Variants in PDLIM4 observed in about 807,000 individuals in gnomAD.
PDLIM4 encodes the protein PDZ and LIM domain protein 4.
PDLIM4 carries 19 observed loss-of-function variants against 31.3 expected under a neutral mutation model. The observed-to-expected ratio is 0.61, with a 90% confidence interval of 0.42 to 0.89. PDLIM4 has a LOEUF of 0.89. Ranked by LOEUF, PDLIM4 falls within the 40% of genes least tolerant of loss-of-function variation. The pLI, the probability that PDLIM4 is intolerant of heterozygous loss-of-function variation, is 0.00. For synonymous variants in PDLIM4, 176 were observed against 190.1 expected (o/e 0.93, Z 0.61); for missense variants, 442 against 461.1 (o/e 0.96, Z 0.38).
In PDLIM4 at chr5:132,272,329, T is replaced by C; in HGVS notation, c.*100T>C. The C allele has an allele frequency of 2.0e-6, 2 of 999,200 alleles. No individual in the cohort carries two copies. The highest frequency in any genetic ancestry group is 1.6e-5 in the African/African-American group (1 of 62,902). The allele number at this position is 999,200 out of a possible 1,614,324, so 61.9% of individuals were successfully genotyped here. On this transcript the variant is annotated 3_prime_UTR_variant, in exon 7 of 7. Coordinates refer to ENST00000253754, the MANE Select transcript of PDLIM4 (RefSeq NM_003687.4). The stretch of plus-strand genomic sequence containing the variant: ...CTAATAAAGCTCCTCTGCTCCACCT[T>C]GAACCTGTCACCTGGCCTGCCACCC...
At chr5:132,262,583 C>T (rs1432959147) in intron 1 of PDLIM4, 26 bp from the exon 2 acceptor site, 3 of 1,581,356 alleles carry the variant, frequency 1.9e-6, no homozygotes, top group East Asian at 2.3e-5. Context: ...TGACTGTGCC[C>T]AGCCATCTGG....
chr5:132,271,173 T>C (rs1190156807), intron 4 of PDLIM4, 80 bp downstream of exon 4: 12 of 1,509,366 alleles, frequency 8.0e-6, no homozygotes, highest in Non-Finnish European at 1.1e-5. Context: ...AGTCCCACTC[T>C]GACCCCTGAC....
intron 2 of PDLIM4, among the ~76,000 whole-genome samples, chr5:132,264,588 C>CCCCATCTCCAG (rs2308291): frequency 0.66 from 99,820 of 151,650 alleles, 33,725 homozygotes; most frequent in African/African-American, 0.79. Flanking sequence ...GCCCTGCAGC[C>CCCCATCTCCAG]CCCTCACACA....
intron 3 of PDLIM4, 44 bp from the exon 4 acceptor site, chr5:132,270,871 G>GGCA (rs1208474926): frequency 6.4e-7 from 1 of 1,570,832 alleles, no homozygotes; most frequent in East Asian, 2.2e-5. Context: ...AGGAATGGCT[G>GGCA]GAGGCCAGAG....
intron 3 of PDLIM4, among the ~76,000 whole-genome samples, chr5:132,270,047 T>C (rs1344860179): frequency 6.6e-6 from 1 of 152,160 alleles, no homozygotes; most frequent in African/African-American, 2.4e-5. Context: ...TGCTGTGGGG[T>C]GCTTGTGTGC....
chr5:132,270,253 C>CT (rs1272384450), intron 3 of PDLIM4, among the ~76,000 whole-genome samples: 1 of 152,230 alleles, frequency 6.6e-6, no homozygotes, highest in Non-Finnish European at 1.5e-5. Context: ...GCCTTGAGCC[C>CT]TAGCCTGGTC....
chr5:132,266,603 C>T (rs1756497885), intron 3 of PDLIM4, 58 bp downstream of exon 3: 3 of 1,169,606 alleles, frequency 2.6e-6, no homozygotes, highest in African/African-American at 1.5e-5. Flanking sequence ...GGCAGAGGGG[C>T]CAGCATGCAG....
At chr5:132,258,738 T>C (rs1383871593) in intron 1 of PDLIM4, among the ~76,000 whole-genome samples, 1 of 152,260 alleles carries the variant, frequency 6.6e-6, no homozygotes, top group Non-Finnish European at 1.5e-5. Flanking sequence ...ACCCAGGCCC[T>C]GCCCTTGGCG....
Position 132,259,247 on chromosome 5 carries a change from C to T in PDLIM4, c.93+1420C>T, listed in dbSNP as rs556766317. Among the ~76,000 whole-genome samples, 28 of 152,054 alleles carry T rather than the reference C, an allele frequency of 1.8e-4. No homozygotes were observed. In the East Asian group the frequency reaches 4.7e-3, roughly 25 times the overall value. ...TGGTGGGGACACTAAGCGGGCTGGC[C>T]AGGCACCCTGGGCGTGAGGCCGCTG... is the stretch of plus-strand genomic sequence containing the variant. On this transcript the variant is annotated intron_variant, in intron 1 of 6. Transcript: ENST00000253754.
Position 132,257,964 on chromosome 5 carries a change from G to GAGGCGGCTTCCAGGCAGAGGC in PDLIM4, c.93+142_93+162dup, listed in dbSNP as rs1284423303. On this transcript the variant is annotated intron_variant, in intron 1 of 6. Transcript: ENST00000253754. This position sits in a 1 kb window ranked among gnomAD's most constrained non-coding sequence, Gnocchi z 4.3. ...TGGCCTGGGCGCCCCGCATGCTGTAGAGGCGGCTTCCAGGCAGAGGCAGGC... is the reference window on the plus strand; with the variant it reads ...TGGCCTGGGCGCCCCGCATGCTGTAGAGGCGGCTTCCAGGCAGAGGCAGGCGGCTTCCAGGCAGAGGCAGGC... The GAGGCGGCTTCCAGGCAGAGGC allele has an allele frequency of 2.5e-5, 12 of 482,696 alleles. No individual in the cohort carries two copies. The Admixed American group carries it at 5.3e-4, about 21-fold the overall frequency. The allele number at this position is 482,696 out of a possible 1,614,324, so 29.9% of individuals were successfully genotyped here. A position where few individuals can be genotyped will look rare whatever the true frequency, so the allele number is the denominator to read the frequency against.
chr5:132,262,594 C>T lies in PDLIM4; in HGVS notation c.94-15C>T, dbSNP rs772492689. On this transcript the variant is annotated splice_polypyrimidine_tract_variant and intron_variant, in intron 1 of 6. Coordinates refer to ENST00000253754, the MANE Select transcript of PDLIM4 (RefSeq NM_003687.4). The stretch of plus-strand genomic sequence containing the variant: ...ATCATGACTGTGCCCAGCCATCTGG[C>T]TTGTCTGCTCGCAGGTCCATGCTGG... The T allele has an allele frequency of 1.9e-6, 3 of 1,594,504 alleles. No individual in the cohort carries two copies. Among genetic ancestry groups the T allele is most frequent in the Non-Finnish European group, 2.6e-6 (3 of 1,169,580 alleles).
At chr5:132,265,510 C>A (rs540184856) in intron 2 of PDLIM4, among the ~76,000 whole-genome samples, 1 of 152,284 alleles carries the variant, frequency 6.6e-6, no homozygotes, top group Admixed American at 6.5e-5. Context: ...GAGAGGTAGC[C>A]TCCAAGGGAC....
At chr5:132,267,124 C>A (rs1756508711) in intron 3 of PDLIM4, among the ~76,000 whole-genome samples, 1 of 152,172 alleles carries the variant, frequency 6.6e-6, no homozygotes, top group African/African-American at 2.4e-5. Flanking sequence ...ATTCTAGGGC[C>A]TTGTTTTGCC....
intron 5 of PDLIM4, 108 bp from the exon 6 acceptor site, chr5:132,271,683 C>T (rs1561524139): frequency 1.0e-6 from 1 of 991,578 alleles, no homozygotes; most frequent in East Asian, 2.4e-5. Flanking sequence ...CAAACCCGTT[C>T]CCCAGTCTCG....
chr5:132,266,736 T>C (rs1756500349), intron 3 of PDLIM4, 191 bp downstream of exon 3: 1 of 479,486 alleles, frequency 2.1e-6, no homozygotes, highest in South Asian at 3.6e-5. Flanking sequence ...GAGCACCTGG[T>C]GTGGGCTCTG....
intron 1 of PDLIM4, among the ~76,000 whole-genome samples, chr5:132,259,137 C>CTG (rs70974028): frequency 0.028 from 4,071 of 146,154 alleles, 76 homozygotes; most frequent in South Asian, 0.052. Flanking sequence ...AGGATTCCTG[C>CTG]TGTGTGTGTG....
chr5:132,269,782 A>G (rs1380125848), intron 3 of PDLIM4, among the ~76,000 whole-genome samples: 1 of 152,120 alleles, frequency 6.6e-6, no homozygotes, highest in Non-Finnish European at 1.5e-5. Context: ...TCCCAGGCTG[A>G]GGCTAAGACC....
intron 1 of PDLIM4, 88 bp from the exon 2 acceptor site, chr5:132,262,521 G>A: frequency 7.9e-7 from 1 of 1,260,412 alleles, no homozygotes; most frequent in Non-Finnish European, 1.1e-6. Flanking sequence ...ACACTGGCTA[G>A]GTTCTGAGGT....
chr5:132,271,732 G>A lies in PDLIM4; in HGVS notation c.671-59G>A, dbSNP rs756287943. Reference sequence around the variant, plus strand: ...CGTCTGGCGCCCAACCAAACACCCCGCAGAAATGGAGTTCTGACCTCCTCA... The same window carrying A: ...CGTCTGGCGCCCAACCAAACACCCCACAGAAATGGAGTTCTGACCTCCTCA... On this transcript the variant is annotated intron_variant, in intron 5 of 6. Coordinates refer to ENST00000253754, the MANE Select transcript of PDLIM4 (RefSeq NM_003687.4). 2.2e-5 allele frequency: 27 copies of A among 1,240,948 alleles called. No homozygotes were observed. In the East Asian group the frequency reaches 4.9e-4, roughly 22 times the overall value. 76.9% of individuals were successfully genotyped at this position (1,240,948 alleles called of 1,614,324 possible). A position where few individuals can be genotyped will look rare whatever the true frequency, so the allele number is the denominator to read the frequency against.
Sources: gnomAD v4.1 joint callset for allele counts (sites outside exome capture counted in the v4.1 genomes callset) on GRCh38, gnomAD v4.1.1 for gene constraint, Gnocchi (gnomAD v3.1) non-coding constraint, MANE v1.5 for transcripts, NCBI Gene and HGNC (gene_info 2026-07-23, HGNC 2026-07-21) for gene names.